ITPR1: variants seen among roughly 807,000 people sequenced by gnomAD.
ITPR1 encodes inositol 1,4,5-trisphosphate-gated calcium channel ITPR1.
A neutral mutation model predicts 318.4 loss-of-function variants in ITPR1; 96 were observed. The observed-to-expected ratio is 0.30, with a 90% CI of 0.26 to 0.36. The LOEUF (loss-of-function observed/expected upper bound fraction) is 0.36, where lower values mean the gene tolerates loss of function less well. ITPR1 is among the 10% of genes least tolerant of loss of function. ITPR1 has a pLI of 1.00. For synonymous variants in ITPR1, 1,312 were observed against 1,289.9 expected (o/e 1.02, Z -0.37); for missense variants, 2,440 against 3,460.2 (o/e 0.71, Z 7.40).
At chr3:4,547,023 C>G (rs1036974049) in intron 4 of ITPR1, among the ~76,000 whole-genome samples, 1 of 152,126 alleles carries the variant, frequency 6.6e-6, no homozygotes, top group African/African-American at 2.4e-5. Context: ...CCTGTCTGGG[C>G]CTTTGCTGCT....
At chr3:4,654,020 G>A (rs930714567) in intron 12 of ITPR1, 134 bp downstream of exon 12, 36 of 625,376 alleles carry the variant, frequency 5.8e-5, no homozygotes, top group East Asian at 2.8e-5. Context: ...CTTAAAACAC[G>A]ATCATGTTCT....
chr3:4,663,383 A>G (rs913358226), intron 16 of ITPR1, among the ~76,000 whole-genome samples, 177 bp downstream of exon 16: 1 of 151,750 alleles, frequency 6.6e-6, no homozygotes, highest in African/African-American at 2.4e-5. Flanking sequence ...CCTGGGTGAC[A>G]GAGAGAGAGC....
chr3:4,573,799 T>C (rs186921644), intron 4 of ITPR1, among the ~76,000 whole-genome samples: 1 of 152,340 alleles, frequency 6.6e-6, no homozygotes, highest in East Asian at 1.9e-4. Flanking sequence ...CTTTTTCTAT[T>C]CTCTTACCGT....
At chr3:4,757,266 G>T (rs2045071909) in intron 44 of ITPR1, among the ~76,000 whole-genome samples, 1 of 152,198 alleles carries the variant, frequency 6.6e-6, no homozygotes, top group African/African-American at 2.4e-5. Flanking sequence ...AGCAGTCATT[G>T]TGTGACAATG....
At position 4,676,712 on chromosome 3, in the gene ITPR1, G is replaced by T; in HGVS notation, c.2878G>T (p.Ala960Ser). The stretch of plus-strand genomic sequence containing the variant: ...TTTGCCCATGACTCCCATGGCTGCT[G>T]CCCCTGAAGGCAATGTGAAGCAGGC... ...GFLPMTPMAAAPEGNVKQAEP... is the reference protein window; with the variant it reads ...GFLPMTPMAASPEGNVKQAEP... Residue 960 changes from alanine (A) to serine (S), a missense_variant, in exon 24 of 62, where the codon GCC becomes TCC. This residue lies in a region of ITPR1 where 478 missense variants were observed against 696.3 expected (regional missense o/e 0.69). Coordinates refer to ENST00000649015, the MANE Select transcript of ITPR1 (RefSeq NM_001378452.1). 1.2e-6 allele frequency: 2 copies of T among 1,613,778 alleles called. No individual in the cohort carries two copies. Among genetic ancestry groups the T allele is most frequent in the Non-Finnish European group, 1.7e-6 (2 of 1,179,802 alleles).
At chr3:4,813,868 T>G (rs1241218568) in intron 57 of ITPR1, among the ~76,000 whole-genome samples, 1 of 152,312 alleles carries the variant, frequency 6.6e-6, no homozygotes, top group Admixed American at 6.5e-5. Context: ...TGATGAAATC[T>G]GTGTTTTAGC....
intron 36 of ITPR1, among the ~76,000 whole-genome samples, chr3:4,705,207 T>G (rs1430445510): frequency 6.6e-6 from 1 of 152,190 alleles, no homozygotes; most frequent in East Asian, 1.9e-4. Context: ...AAAGAGTGAT[T>G]ATTAGTCTTA....
chr3:4,566,606 A>ACACACG (rs1361507840), intron 4 of ITPR1, among the ~76,000 whole-genome samples: 1 of 119,110 alleles, frequency 8.4e-6, no homozygotes, highest in African/African-American at 3.0e-5. Context: ...GGACACATGC[A>ACACACG]CACACACACA....
chr3:4,836,722 G>C, intron 60 of ITPR1, 52 bp from the exon 61 acceptor site: 2 of 1,297,756 alleles, frequency 1.5e-6, no homozygotes, highest in South Asian at 4.4e-5. Context: ...TTTACCTCTA[G>C]AAGTGACTCA....
At chr3:4,569,762 T>A (rs2087783787) in intron 4 of ITPR1, among the ~76,000 whole-genome samples, 1 of 152,228 alleles carries the variant, frequency 6.6e-6, no homozygotes, top group African/African-American at 2.4e-5. Flanking sequence ...TCATGGGAGT[T>A]GCATAGTTTT....
At chr3:4,588,340 TC>T (rs2090098106) in intron 4 of ITPR1, among the ~76,000 whole-genome samples, 1 of 151,360 alleles carries the variant, frequency 6.6e-6, no homozygotes, top group South Asian at 2.1e-4. Context: ...CATACCTGTT[TC>T]TTTTTTTTTT....
intron 10 of ITPR1, among the ~76,000 whole-genome samples, chr3:4,647,034 A>G (rs2093473679): frequency 1.3e-5 from 2 of 152,130 alleles, no homozygotes; most frequent in Non-Finnish European, 2.9e-5. Flanking sequence ...AAATAGAATG[A>G]TAGCAGCACC....
chr3:4,641,237 A>T (rs1366929331), intron 6 of ITPR1, among the ~76,000 whole-genome samples: 1 of 152,174 alleles, frequency 6.6e-6, no homozygotes, highest in Non-Finnish European at 1.5e-5. Flanking sequence ...TGACTATCAG[A>T]CACGTTATAT....
chr3:4,807,702 G>C (rs982202386), intron 55 of ITPR1, among the ~76,000 whole-genome samples: 1 of 152,184 alleles, frequency 6.6e-6, no homozygotes, highest in African/African-American at 2.4e-5. Flanking sequence ...TCTTAAAATA[G>C]GTCTGGCTAT....
At chr3:4,808,211 C>T (rs952466263) in intron 55 of ITPR1, among the ~76,000 whole-genome samples, 1 of 152,228 alleles carries the variant, frequency 6.6e-6, no homozygotes, top group African/African-American at 2.4e-5. Context: ...TCTACACACT[C>T]TCACTACCAC....
chr3:4,736,487 C>T (rs147582880), intron 44 of ITPR1, among the ~76,000 whole-genome samples: 138 of 152,346 alleles, frequency 9.1e-4, no homozygotes, highest in African/African-American at 3.1e-3. Flanking sequence ...CAGCCAACTG[C>T]GGTGGCCCTT....
Position 4,678,867 on chromosome 3 carries a change from G to C in ITPR1, c.2968-1686G>C, listed in dbSNP as rs61159580. 4.5e-3 allele frequency among the ~76,000 whole-genome samples: 686 copies of C among 152,300 alleles called. 9 individuals carry two copies. The highest frequency in any genetic ancestry group is 0.034 in the Middle Eastern group (10 of 294). ...GAGACATAGAGTGTGCTGAGGGGAAGTTGTCAGAAGTGAGTTTGGAAAGGA... is the reference window on the plus strand; with the variant it reads ...GAGACATAGAGTGTGCTGAGGGGAACTTGTCAGAAGTGAGTTTGGAAAGGA... On this transcript the variant is annotated intron_variant, in intron 24 of 61. Transcript: ENST00000649015.
At chr3:4,658,058 G>A in intron 12 of ITPR1, 66 bp from the exon 13 acceptor site, 1 of 1,445,722 alleles carries the variant, frequency 6.9e-7, no homozygotes, top group Non-Finnish European at 9.5e-7. Flanking sequence ...GTGGATTGTG[G>A]AATAATTGTA....
intron 18 of ITPR1, among the ~76,000 whole-genome samples, chr3:4,668,212 C>CTTTTTTTTTTTTT (rs1455291596): frequency 7.1e-6 from 1 of 141,674 alleles, no homozygotes; most frequent in African/African-American, 2.8e-5. Context: ...TTCGTTCTTT[C>CTTTTTTTTTTTTT]TATTTTTTTT....
Sources: allele counts gnomAD v4.1 joint callset (sites outside exome capture counted in the v4.1 genomes callset), GRCh38; gene constraint gnomAD v4.1.1; regional missense constraint gnomAD v4.1.1; transcripts MANE v1.5; gene names NCBI Gene and HGNC (gene_info 2026-07-23, HGNC 2026-07-21).